Variants in OR5BS1 observed in about 807,000 individuals in gnomAD.
The protein encoded by OR5BS1 is olfactory receptor family 5 subfamily BS member 1, also known as olfactory receptor 5BS1.
chr12:48,561,509 T>G, the OR5BS1 span, among the ~76,000 whole-genome samples: 1 of 152,156 alleles, frequency 6.6e-6, no homozygotes, highest in East Asian at 1.9e-4. Context: ...CAGAACAAGC[T>G]AGTAATGGAG....
At chr12:48,561,302 A>G in the OR5BS1 span, among the ~76,000 whole-genome samples, 2 of 152,204 alleles carry the variant, frequency 1.3e-5, no homozygotes, top group African/African-American at 2.4e-5. Context: ...AACATATGCC[A>G]TCTTTATTTC....
chr12:48,560,217 T>A, the OR5BS1 span: 1 of 401,360 alleles, frequency 2.5e-6, no homozygotes, highest in Non-Finnish European at 4.4e-6. Context: ...CTACTGAGGC[T>A]TGCCTCCTCT....
the OR5BS1 span, chr12:48,560,426 C>T: frequency 2.5e-6 from 1 of 401,492 alleles, no homozygotes; most frequent in Non-Finnish European, 4.4e-6. Flanking sequence ...TGCGAGCTTC[C>T]TCCGGTGCTC....
the OR5BS1 span, among the ~76,000 whole-genome samples, chr12:48,560,967 G>C: frequency 6.6e-6 from 1 of 152,234 alleles, no homozygotes; most frequent in East Asian, 1.9e-4. Context: ...GCCAGGTGTG[G>C]TCACGTGCAC....
the OR5BS1 span, among the ~76,000 whole-genome samples, chr12:48,561,261 G>A: frequency 2.0e-5 from 3 of 152,194 alleles, no homozygotes; most frequent in African/African-American, 7.2e-5. Context: ...TTTTTAATCA[G>A]TGTTAGACAA....
chr12:48,562,488 T>C, the OR5BS1 span, among the ~76,000 whole-genome samples: 1 of 152,238 alleles, frequency 6.6e-6, no homozygotes, highest in Non-Finnish European at 1.5e-5. Context: ...TTTTTTGTTT[T>C]ACTTTTTATC....
At chr12:48,560,527 G>C in the OR5BS1 span, 1 of 401,740 alleles carries the variant, frequency 2.5e-6, no homozygotes, top group East Asian at 3.6e-5. Flanking sequence ...CCTTTTGCTG[G>C]GTTCCTACAG....
At chr12:48,562,091 G>T in the OR5BS1 span, among the ~76,000 whole-genome samples, 1 of 152,134 alleles carries the variant, frequency 6.6e-6, no homozygotes, top group Non-Finnish European at 1.5e-5. Context: ...TTAGCAAAAT[G>T]TACCCAAGAT....
At chr12:48,560,378 A>G in the OR5BS1 span, 1 of 401,450 alleles carries the variant, frequency 2.5e-6, no homozygotes, top group Non-Finnish European at 4.4e-6. Context: ...CTGGCTCAGC[A>G]GCACTTCTGC....
At chr12:48,559,909 A>T in the OR5BS1 span, 1 of 401,392 alleles carries the variant, frequency 2.5e-6, no homozygotes, top group Admixed American at 4.4e-5. Flanking sequence ...GACCACAGTC[A>T]CTGTGTTTAT....
chr12:48,562,171 G>A, the OR5BS1 span, among the ~76,000 whole-genome samples: 1 of 151,972 alleles, frequency 6.6e-6, no homozygotes, highest in African/African-American at 2.4e-5. Flanking sequence ...ACCAGTTTTG[G>A]CTTCTTTTCC....
chr12:48,561,923 G>A, the OR5BS1 span, among the ~76,000 whole-genome samples: 1 of 147,756 alleles, frequency 6.8e-6, no homozygotes, highest in African/African-American at 2.5e-5. Context: ...GAATAAGTTA[G>A]ATGACAAAAA....
the OR5BS1 span, among the ~76,000 whole-genome samples, chr12:48,560,827 G>A: frequency 6.6e-6 from 1 of 152,184 alleles, no homozygotes; most frequent in Admixed American, 6.5e-5. Context: ...TTTCAGCTGG[G>A]TACAGTGGCT....
At chr12:48,560,962 G>C in the OR5BS1 span, among the ~76,000 whole-genome samples, 1 of 152,120 alleles carries the variant, frequency 6.6e-6, no homozygotes, top group African/African-American at 2.4e-5. Flanking sequence ...AATCAGCCAG[G>C]TGTGGTCACG....
At chr12:48,560,795 G>A in the OR5BS1 span, 6 of 395,400 alleles carry the variant, frequency 1.5e-5, no homozygotes, top group Non-Finnish European at 2.7e-5. Flanking sequence ...TGGACTAGCT[G>A]TATGAATTGT....
chr12:48,560,627 C>A, the OR5BS1 span: 1 of 401,424 alleles, frequency 2.5e-6, no homozygotes, highest in Non-Finnish European at 4.4e-6. Flanking sequence ...CTTGTGGTCA[C>A]CATCTTTTAT....
At chr12:48,560,733 T>G in the OR5BS1 span, 1 of 399,294 alleles carries the variant, frequency 2.5e-6, no homozygotes, top group Non-Finnish European at 4.4e-6. Flanking sequence ...AAGAGAGCAT[T>G]ACAAAATAGC....
chr12:48,561,781 A>AAAAT, the OR5BS1 span, among the ~76,000 whole-genome samples: 38 of 152,246 alleles, frequency 2.5e-4, no homozygotes, highest in African/African-American at 3.9e-4. Flanking sequence ...AAAAATAAGT[A>AAAAT]AAATAAATAA....
the OR5BS1 span, chr12:48,560,403 C>T: frequency 2.5e-6 from 1 of 401,552 alleles, no homozygotes; most frequent in Non-Finnish European, 4.4e-6. Context: ...CTAATGTCAT[C>T]CACAGTTTTG....
Sources: gnomAD v4.1 joint callset for allele counts (sites outside exome capture counted in the v4.1 genomes callset) on GRCh38, gnomAD v4.1.1 for gene constraint, MANE v1.5 for transcripts, NCBI Gene and HGNC (gene_info 2026-07-23, HGNC 2026-07-21) for gene names.